DPYD: variants seen among roughly 807,000 people sequenced by gnomAD.
DPYD encodes the protein dihydropyrimidine dehydrogenase, also known as dihydropyrimidine dehydrogenase [NADP(+)].
In DPYD, 109 loss-of-function variants were observed where a neutral mutation model predicts 116.2. The ratio of observed to expected loss-of-function variants is 0.94; its 90% confidence interval spans 0.80 to 1.10. The LOEUF (loss-of-function observed/expected upper bound fraction) is 1.10, where lower values mean the gene tolerates loss of function less well. Ranked by LOEUF, DPYD falls within the 50% of genes least tolerant of loss-of-function variation. The pLI, the probability that DPYD is intolerant of heterozygous loss-of-function variation, is 0.00. For synonymous variants in DPYD, 440 were observed against 432.0 expected, an observed-to-expected ratio of 1.02 and a Z score of -0.23; for missense variants, 1,302 against 1,254.5, an observed-to-expected ratio of 1.04 and a Z score of -0.57.
At chr1:97,222,877 A>G (rs1000828792) in intron 19 of DPYD, among the ~76,000 whole-genome samples, 1 of 152,132 alleles carries the variant, frequency 6.6e-6, no homozygotes, top group African/African-American at 2.4e-5. Flanking sequence ...AATGCTGTCA[A>G]GTATTTTTAC....
intron 8 of DPYD, among the ~76,000 whole-genome samples, chr1:97,670,338 T>C (rs916268605): frequency 1.3e-5 from 2 of 152,130 alleles, no homozygotes; most frequent in African/African-American, 4.8e-5. Flanking sequence ...TGATGGTACT[T>C]GGAGATGGGG....
chr1:97,296,099 C>T (rs1666508752), intron 18 of DPYD: 2 of 152,116 alleles, frequency 1.3e-5, no homozygotes, highest in East Asian at 3.9e-4. Context: ...TCATTGATCT[C>T]AAATATTACA....
chr1:97,307,908 A>G (rs926270960), intron 16 of DPYD, among the ~76,000 whole-genome samples: 5 of 151,936 alleles, frequency 3.3e-5, no homozygotes, highest in Non-Finnish European at 5.9e-5. Context: ...TCTAGATGAT[A>G]TGAATTGCAT....
intron 5 of DPYD, among the ~76,000 whole-genome samples, chr1:97,708,457 A>G (rs1450921285): frequency 6.6e-6 from 1 of 152,020 alleles, no homozygotes; most frequent in African/African-American, 2.4e-5. Context: ...TAAGTTGGCT[A>G]TATTTACGTG....
intron 3 of DPYD, among the ~76,000 whole-genome samples, chr1:97,805,830 T>C (rs1489710476): frequency 6.6e-6 from 1 of 151,836 alleles, no homozygotes; most frequent in Admixed American, 6.6e-5. Context: ...CAAACACATC[T>C]GTTTCCCCAC....
At chr1:97,397,622 A>G (rs945827067) in intron 14 of DPYD, among the ~76,000 whole-genome samples, 2 of 152,074 alleles carry the variant, frequency 1.3e-5, no homozygotes, top group Non-Finnish European at 1.5e-5. Context: ...CACACAGTAT[A>G]TAGCTTTTTC....
At chr1:97,183,597 T>C (rs961382164) in intron 20 of DPYD, among the ~76,000 whole-genome samples, 1 of 152,114 alleles carries the variant, frequency 6.6e-6, no homozygotes, top group East Asian at 1.9e-4. Context: ...TTCTAGTTTG[T>C]CTGAATTCCA....
chr1:97,401,114 TG>T (rs1482685543), intron 14 of DPYD, among the ~76,000 whole-genome samples: 4 of 152,164 alleles, frequency 2.6e-5, no homozygotes, highest in African/African-American at 9.6e-5. Context: ...TTATCTTCTT[TG>T]ATGAGGTGTC....
chr1:97,813,949 CA>C (rs1368091788), intron 3 of DPYD, among the ~76,000 whole-genome samples: 29 of 151,634 alleles, frequency 1.9e-4, no homozygotes, highest in South Asian at 8.3e-4. Context: ...CACACACACA[CA>C]CACACCCCTA....
chr1:97,492,193 T>C (rs560829275), intron 13 of DPYD, among the ~76,000 whole-genome samples: 1 of 152,274 alleles, frequency 6.6e-6, no homozygotes, highest in African/African-American at 2.4e-5. Flanking sequence ...TTGACTTCAA[T>C]AGGGCTTGGA....
At position 97,699,452 on chromosome 1, in the gene DPYD, A is replaced by G; in HGVS notation, c.579T>C (p.Phe193=). The G allele has an allele frequency of 6.2e-7, 1 of 1,613,648 alleles. No homozygotes were observed. ...SEAYSAKIAL[F]GAGPASISCA... ...AACTTATACTTGCAGGCCCAGCACC[A>G]AAAAGAGCAATCTTTGCAGAATAGG... Residue 193 remains phenylalanine, a synonymous_variant, in exon 6 of 23, where the codon TTT becomes TTC. Coordinates refer to ENST00000370192, the MANE Select transcript of DPYD (RefSeq NM_000110.4).
chr1:97,908,624 C>A (rs1673766396), intron 1 of DPYD, among the ~76,000 whole-genome samples: 1 of 152,056 alleles, frequency 6.6e-6, no homozygotes, highest in African/African-American at 2.4e-5. Context: ...CCACTGCAGC[C>A]ACCATCACCC....
chr1:97,100,148 A>G (rs1650559979), intron 20 of DPYD, among the ~76,000 whole-genome samples: 2 of 152,114 alleles, frequency 1.3e-5, no homozygotes, highest in East Asian at 3.9e-4. Context: ...CCATTTTGCT[A>G]TAAAACAAGT....
At chr1:97,310,593 T>A (rs946612419) in intron 16 of DPYD, among the ~76,000 whole-genome samples, 2 of 151,774 alleles carry the variant, frequency 1.3e-5, no homozygotes, top group African/African-American at 4.8e-5. Context: ...AATGGAGATG[T>A]TTTTATTAAC....
chr1:97,778,857 T>C (rs1273486054), intron 3 of DPYD, among the ~76,000 whole-genome samples: 1 of 152,168 alleles, frequency 6.6e-6, no homozygotes, highest in African/African-American at 2.4e-5. Context: ...CAGGGAATTT[T>C]CATACAGAGC....
intron 18 of DPYD, among the ~76,000 whole-genome samples, chr1:97,272,308 TA>T (rs1435704833): frequency 3.3e-5 from 5 of 152,168 alleles, no homozygotes; most frequent in African/African-American, 1.2e-4. Flanking sequence ...TCTGACTCTT[TA>T]TTTGCACAGC....
At chr1:97,429,254 T>C (rs1675039060) in intron 14 of DPYD, among the ~76,000 whole-genome samples, 1 of 152,078 alleles carries the variant, frequency 6.6e-6, no homozygotes, top group Non-Finnish European at 1.5e-5. Flanking sequence ...TTGTACCATA[T>C]GTAGGAGTAG....
At chr1:97,645,479 T>G (rs1054293024) in intron 8 of DPYD, among the ~76,000 whole-genome samples, 3 of 152,154 alleles carry the variant, frequency 2.0e-5, no homozygotes, top group Non-Finnish European at 2.9e-5. Flanking sequence ...GTTATATCAA[T>G]GCCATGTAAG....
chr1:97,235,999 G>A (rs933117804), intron 18 of DPYD, among the ~76,000 whole-genome samples: 1 of 152,102 alleles, frequency 6.6e-6, no homozygotes, highest in African/African-American at 2.4e-5. Flanking sequence ...AAAATTGTAT[G>A]GATAGAAAGA....
Sources: allele counts gnomAD v4.1 joint callset (sites outside exome capture counted in the v4.1 genomes callset), GRCh38; gene constraint gnomAD v4.1.1; transcripts MANE v1.5; gene names NCBI Gene and HGNC (gene_info 2026-07-23, HGNC 2026-07-21).